UBP1: variants seen among roughly 807,000 people sequenced by gnomAD.
The protein encoded by UBP1 is upstream-binding protein 1.
Under a neutral mutation model 76.1 loss-of-function variants are expected in UBP1, and 22 were observed. The ratio of observed to expected loss-of-function variants is 0.29; its 90% CI spans 0.21 to 0.41. UBP1 has a LOEUF of 0.41. Ranked by LOEUF, UBP1 falls within the 10% of genes least tolerant of loss-of-function variation. The pLI, the probability that UBP1 is intolerant of heterozygous loss-of-function variation, is 1.00. For missense variants in UBP1, 436 were observed against 668.1 expected (o/e 0.65, Z 3.83); for synonymous variants, 224 against 237.1 (o/e 0.94, Z 0.51).
chr3:33,426,017 A>ATG (rs1350484697), intron 1 of UBP1, among the ~76,000 whole-genome samples: 4 of 98,864 alleles, frequency 4.0e-5, no homozygotes, highest in Non-Finnish European at 2.1e-5. Context: ...ATATATATAT[A>ATG]TATATATATA....
chr3:33,428,181 CAAAAAA>C (rs59049122), intron 1 of UBP1, among the ~76,000 whole-genome samples: 2 of 57,234 alleles, frequency 3.5e-5, no homozygotes, highest in Non-Finnish European at 6.8e-5. Flanking sequence ...GATTCCATCT[CAAAAAA>C]AAAAAAAAAA....
At chr3:33,419,885 A>C (rs1037018788) in intron 2 of UBP1, among the ~76,000 whole-genome samples, 1 of 152,224 alleles carries the variant, frequency 6.6e-6, no homozygotes, top group Non-Finnish European at 1.5e-5. Flanking sequence ...ATATAGTCCA[A>C]CAGTAATATT....
At chr3:33,418,853 C>CT (rs1286318012) in intron 2 of UBP1, among the ~76,000 whole-genome samples, 2 of 120,392 alleles carry the variant, frequency 1.7e-5, no homozygotes, top group African/African-American at 6.9e-5. Flanking sequence ...GAACGAAACT[C>CT]TGTCTCCAAA....
chr3:33,439,144 C>G (rs1439036135), intron 1 of UBP1, among the ~76,000 whole-genome samples: 1 of 152,144 alleles, frequency 6.6e-6, no homozygotes, highest in African/African-American at 2.4e-5. Flanking sequence ...TCTTAAAACC[C>G]TCAAGAGGAA....
At chr3:33,439,651 A>C (rs892606640) in intron 1 of UBP1, 85 bp downstream of exon 1, 18 of 1,455,634 alleles carry the variant, frequency 1.2e-5, no homozygotes, top group Non-Finnish European at 1.6e-5. Flanking sequence ...CACCTCTGGG[A>C]GCAGCCGCAT....
intron 2 of UBP1, among the ~76,000 whole-genome samples, chr3:33,420,562 C>T (rs780259385): frequency 1.3e-5 from 2 of 149,360 alleles, no homozygotes; most frequent in Non-Finnish European, 2.9e-5. Flanking sequence ...AATCTTGGCT[C>T]ACTGCAACCT....
At chr3:33,396,367 C>G (rs1248855938) in intron 12 of UBP1, 87 bp from the exon 13 acceptor site, 1 of 996,568 alleles carries the variant, frequency 1.0e-6, no homozygotes, top group African/African-American at 1.6e-5. Context: ...AATCTAAGTT[C>G]TATTTCCTTA....
intron 13 of UBP1, among the ~76,000 whole-genome samples, chr3:33,395,900 T>G: frequency 6.7e-6 from 1 of 150,010 alleles, no homozygotes; most frequent in African/African-American, 2.4e-5. Context: ...TTTTTCCACT[T>G]GTTAGATATT....
Position 33,440,101 on chromosome 3 carries a change from T to A in UBP1, c.-253A>T. 1 of 347,676 alleles carries A rather than the reference T, an allele frequency of 2.9e-6. No individual in the cohort carries two copies. The highest frequency in any genetic ancestry group is 5.1e-6 in the Non-Finnish European group (1 of 194,438). 21.5% of individuals were successfully genotyped at this position (347,676 alleles called of 1,614,324 possible). ...CTCCCGCGGACACCGGCCCTGCGCCTCATGCCGGCGCCGCCGCCCAGCCCC... is the reference window on the plus strand; with the variant it reads ...CTCCCGCGGACACCGGCCCTGCGCCACATGCCGGCGCCGCCGCCCAGCCCC... On this transcript the variant is annotated 5_prime_UTR_variant, in exon 1 of 16. Transcript: ENST00000283629.
At chr3:33,423,772 TAG>T (rs2044959524) in intron 2 of UBP1, among the ~76,000 whole-genome samples, 1 of 152,228 alleles carries the variant, frequency 6.6e-6, no homozygotes, top group African/African-American at 2.4e-5. Context: ...AAATCTCTCC[TAG>T]AGTTACTGTG....
intron 1 of UBP1, 100 bp downstream of exon 1, chr3:33,439,636 C>T (rs554593125): frequency 3.0e-6 from 4 of 1,348,020 alleles, no homozygotes; most frequent in Non-Finnish European, 3.1e-6. Context: ...CCCAGGAGGC[C>T]CGCGCACCTC....
chr3:33,435,009 G>A (rs1412764212), intron 1 of UBP1, among the ~76,000 whole-genome samples: 1 of 152,100 alleles, frequency 6.6e-6, no homozygotes, highest in Non-Finnish European at 1.5e-5. Context: ...TTAAAGGGTT[G>A]TAAAAAACAA....
chr3:33,403,995 C>G (rs1406517802), intron 8 of UBP1, among the ~76,000 whole-genome samples: 2 of 152,202 alleles, frequency 1.3e-5, no homozygotes, highest in African/African-American at 2.4e-5. Flanking sequence ...CCCCTAATCT[C>G]AGTGCTTTGG....
At chr3:33,400,124 TAATA>T in intron 11 of UBP1, 61 bp downstream of exon 11, 7 of 1,114,412 alleles carry the variant, frequency 6.3e-6, no homozygotes, top group Non-Finnish European at 8.5e-6. Context: ...AATATAAAGT[TAATA>T]AAAGCACAGA....
At chr3:33,411,835 G>A (rs1421188396) in intron 4 of UBP1, 148 bp from the exon 5 acceptor site, 9 of 638,216 alleles carry the variant, frequency 1.4e-5, no homozygotes, top group South Asian at 5.9e-5. Context: ...CTTCAACATC[G>A]AAACCCACCC....
chr3:33,414,266 G>A (rs1212761811), intron 3 of UBP1: 1 of 151,836 alleles, frequency 6.6e-6, no homozygotes, highest in Non-Finnish European at 1.5e-5. Flanking sequence ...GGGAGGAAGG[G>A]AAAGAAAAAG....
chr3:33,413,464 G>A (rs1451779935), intron 3 of UBP1, among the ~76,000 whole-genome samples: 1 of 149,572 alleles, frequency 6.7e-6, no homozygotes, highest in Non-Finnish European at 1.5e-5. Flanking sequence ...GAAGAATGGT[G>A]TGAACCCGGG....
chr3:33,425,962 G>GT (rs2045003775), intron 1 of UBP1, among the ~76,000 whole-genome samples: 1 of 141,072 alleles, frequency 7.1e-6, no homozygotes, highest in South Asian at 2.2e-4. Context: ...CTATCTCGGG[G>GT]TGGGAAGTGG....
At chr3:33,400,593 C>T (rs1222433998) in intron 10 of UBP1, among the ~76,000 whole-genome samples, 1 of 152,076 alleles carries the variant, frequency 6.6e-6, no homozygotes, top group Non-Finnish European at 1.5e-5. Context: ...CTTATATTCT[C>T]ACTTATATGT....
Sources: gnomAD v4.1 joint callset for allele counts (sites outside exome capture counted in the v4.1 genomes callset) on GRCh38, gnomAD v4.1.1 for gene constraint, MANE v1.5 for transcripts, NCBI Gene and HGNC (gene_info 2026-07-23, HGNC 2026-07-21) for gene names.